DACH2: variants seen among roughly 807,000 people sequenced by gnomAD.
DACH2 encodes dachshund homolog 2.
DACH2 carries 17 observed loss-of-function variants against 35.8 expected under a neutral mutation model. The ratio of observed to expected loss-of-function variants is 0.48; its 90% CI spans 0.33 to 0.71. The LOEUF (loss-of-function observed/expected upper bound fraction) is 0.71, where lower values mean the gene tolerates loss of function less well. Ranked by LOEUF, DACH2 falls within the 30% of genes least tolerant of loss-of-function variation. DACH2 has a pLI of 0.02. For missense variants in DACH2, 469 were observed against 472.7 expected, an observed-to-expected ratio of 0.99 and a Z score of 0.07; for synonymous variants, 195 against 177.3, an observed-to-expected ratio of 1.10 and a Z score of -0.79.
intron 11 of DACH2, chrX:86,831,191 TA>T (rs2042608291): frequency 9.0e-6 from 1 of 111,489 alleles, no homozygotes; most frequent in Non-Finnish European, 1.9e-5. Flanking sequence ...TACACAAGGT[TA>T]AAAAAGGGTA....
chrX:86,746,740 G>A (rs1056116162), intron 7 of DACH2, among the ~76,000 whole-genome samples: 4 of 110,595 alleles, frequency 3.6e-5, no homozygotes, highest in African/African-American at 1.3e-4. Flanking sequence ...TACTGTTTTC[G>A]TAGTATCCTT....
chrX:86,157,981 G>A (rs2030609906), intron 1 of DACH2, among the ~76,000 whole-genome samples: 1 of 110,365 alleles, frequency 9.1e-6, no homozygotes, highest in African/African-American at 3.3e-5. Context: ...CAATTACAGA[G>A]CACCTATTTT....
intron 7 of DACH2, among the ~76,000 whole-genome samples, chrX:86,791,960 C>T (rs760377065): frequency 9.0e-6 from 1 of 111,325 alleles, no homozygotes; most frequent in Non-Finnish European, 1.9e-5. Context: ...ATTTGAAGAA[C>T]GTATTTTAGT....
At chrX:86,628,214 G>A (rs143874532) in intron 3 of DACH2, among the ~76,000 whole-genome samples, 8 of 112,338 alleles carry the variant, frequency 7.1e-5, no homozygotes, top group African/African-American at 1.9e-4. Flanking sequence ...GCACCTTACA[G>A]CCTTGGTAAG....
At chrX:86,591,831 C>T (rs775638852) in intron 3 of DACH2, among the ~76,000 whole-genome samples, 115 of 111,034 alleles carry the variant, frequency 1.0e-3, no homozygotes, top group East Asian at 2.3e-3. Flanking sequence ...CCACCGCTCC[C>T]GGCTTCTTTG....
intron 3 of DACH2, among the ~76,000 whole-genome samples, chrX:86,550,244 TAGAG>T (rs1005193024): frequency 9.0e-6 from 1 of 111,468 alleles, no homozygotes; most frequent in Admixed American, 9.6e-5. Flanking sequence ...AAAGAAAGAA[TAGAG>T]AGGATAATTT....
At chrX:86,669,037 G>A (rs975620758) in intron 4 of DACH2, among the ~76,000 whole-genome samples, 5 of 111,460 alleles carry the variant, frequency 4.5e-5, no homozygotes, top group African/African-American at 1.3e-4. Flanking sequence ...AAATGTAACA[G>A]CTATTCCGTA....
At chrX:86,356,106 A>G (rs1375171311) in intron 1 of DACH2, among the ~76,000 whole-genome samples, 1 of 111,783 alleles carries the variant, frequency 8.9e-6, no homozygotes, top group Non-Finnish European at 1.9e-5. Flanking sequence ...AATCTTTGCC[A>G]GAGCCTATGT....
intron 1 of DACH2, among the ~76,000 whole-genome samples, chrX:86,288,252 T>G (rs755691523): frequency 5.0e-5 from 5 of 99,176 alleles, no homozygotes; most frequent in African/African-American, 1.9e-4. Flanking sequence ...AGTCTTTCCC[T>G]CTGTTCTGAG....
intron 4 of DACH2, among the ~76,000 whole-genome samples, chrX:86,679,612 G>C (rs200900120): frequency 4.8e-5 from 4 of 83,553 alleles, no homozygotes; most frequent in African/African-American, 4.7e-5. Context: ...CTCTCTCTCT[G>C]TCTCTGTGTG....
intron 3 of DACH2, among the ~76,000 whole-genome samples, chrX:86,569,486 C>T (rs781275990): frequency 9.0e-6 from 1 of 110,829 alleles, no homozygotes; most frequent in East Asian, 2.9e-4. Flanking sequence ...GATCAAATAC[C>T]AATACAGATC....
At chrX:86,302,887 T>C (rs1409423776) in intron 1 of DACH2, among the ~76,000 whole-genome samples, 2 of 109,414 alleles carry the variant, frequency 1.8e-5, no homozygotes, top group Non-Finnish European at 3.8e-5. Context: ...TAAATGATAA[T>C]AATAACCAAT....
intron 3 of DACH2, among the ~76,000 whole-genome samples, chrX:86,562,155 G>C (rs946484692): frequency 3.6e-5 from 4 of 110,342 alleles, no homozygotes; most frequent in Admixed American, 2.9e-4. Flanking sequence ...TTTTCATGGG[G>C]GTGGCCAGGT....
At chrX:86,280,250 A>T (rs996276091) in intron 1 of DACH2, among the ~76,000 whole-genome samples, 1 of 112,197 alleles carries the variant, frequency 8.9e-6, no homozygotes, top group African/African-American at 3.2e-5. Context: ...CTAACAGTGG[A>T]TCTCTCTGCA....
At position 86,485,000 on chromosome X, in the gene DACH2, G is replaced by A. The variant is rs761983175; in HGVS notation, c.528-29279G>A. The stretch of plus-strand genomic sequence containing the variant: ...AGTTGATAGAGATACAGCTGTCTCC[G>A]TCCACTTTATTCTTAGATAGGAAGT... On this transcript the variant is annotated intron_variant, in intron 2 of 11. Transcript: ENST00000373125. Among the ~76,000 whole-genome samples, 10 of 111,450 alleles carry A rather than the reference G, an allele frequency of 9.0e-5. No homozygotes were observed. The South Asian group carries it at 3.4e-3, about 38-fold the overall frequency.
chrX:86,768,503 T>C (rs1356422851), intron 7 of DACH2, among the ~76,000 whole-genome samples: 2 of 111,664 alleles, frequency 1.8e-5, no homozygotes, highest in Admixed American at 1.9e-4. Flanking sequence ...TCTCATCATG[T>C]TTAATAATTC....
chrX:86,640,698 C>A (rs887638453), intron 3 of DACH2, among the ~76,000 whole-genome samples: 12 of 111,047 alleles, frequency 1.1e-4, no homozygotes, highest in African/African-American at 3.9e-4. Context: ...GAGGAAGCCA[C>A]CCTTTCAGAG....
At chrX:86,465,341 A>T (rs934823811) in intron 2 of DACH2, among the ~76,000 whole-genome samples, 2 of 112,041 alleles carry the variant, frequency 1.8e-5, no homozygotes, top group African/African-American at 6.5e-5. Context: ...CATTGAAAGG[A>T]GCCTGATGTG....
chrX:86,406,215 A>T (rs999128713), intron 2 of DACH2, among the ~76,000 whole-genome samples: 1 of 112,415 alleles, frequency 8.9e-6, no homozygotes, highest in Non-Finnish European at 1.9e-5. Flanking sequence ...GTCATGAAAA[A>T]GAATGAGATC....
Sources: allele counts gnomAD v4.1 joint callset (sites outside exome capture counted in the v4.1 genomes callset), GRCh38; gene constraint gnomAD v4.1.1; transcripts MANE v1.5; gene names NCBI Gene and HGNC (gene_info 2026-07-23, HGNC 2026-07-21).